Variants in OSBPL9 observed in about 807,000 individuals in gnomAD.
OSBPL9 encodes the protein oxysterol binding protein like 9.
OSBPL9 carries 40 observed loss-of-function variants against 106.6 expected under a neutral mutation model. The observed-to-expected ratio is 0.38, with a 90% CI of 0.29 to 0.49. OSBPL9 has a LOEUF of 0.49. Ranked by LOEUF, OSBPL9 falls within the 20% of genes least tolerant of loss-of-function variation. The pLI is 0.97. For missense variants in OSBPL9, 609 were observed against 887.2 expected, an observed-to-expected ratio of 0.69 and a Z score of 3.98; for synonymous variants, 269 against 295.4, an observed-to-expected ratio of 0.91 and a Z score of 0.92.
Position 51,744,134 on chromosome 1 carries a change from G to T in OSBPL9, c.319-1402G>T, listed in dbSNP as rs534222247. Among the ~76,000 whole-genome samples the T allele has an allele frequency of 1.5e-3, 223 of 152,126 alleles. 1 individual carries two copies. The highest frequency in any genetic ancestry group is 5.3e-3 in the African/African-American group (218 of 41,508). On this transcript the variant is annotated intron_variant, in intron 4 of 23. Transcript: ENST00000428468. ...ATGAGATAAGTTGATTTTTCCCATG[G>T]TCTTAATAGGACTTAGATTTTTAAT... is the stretch of plus-strand genomic sequence containing the variant.
chr1:51,716,412 A>G lies in OSBPL9; in HGVS notation c.318+2333A>G, dbSNP rs1395100429. Among the ~76,000 whole-genome samples the G allele has an allele frequency of 2.1e-4, 32 of 152,240 alleles. 1 individual carries two copies. Among genetic ancestry groups the G allele is most frequent in the Non-Finnish European group, 2.9e-5 (2 of 68,056 alleles). On this transcript the variant is annotated intron_variant, in intron 4 of 23. Coordinates refer to ENST00000428468, the MANE Select transcript of OSBPL9 (RefSeq NM_024586.6). ...GTGGCCTCATCTATAAAATGAGGAT[A>G]ATAAGAGTACCTACTTCATAGAGTT...
the OSBPL9 span, chr1:51,519,417 G>A: frequency 7.0e-5 from 11 of 156,128 alleles, 1 homozygote; most frequent in Non-Finnish European, 1.3e-4. Flanking sequence ...CCCGCCCGCC[G>A]GAGCCGGCCG....
chr1:51,640,822 G>A (rs1039710025), intron 1 of OSBPL9, among the ~76,000 whole-genome samples: 1 of 150,102 alleles, frequency 6.7e-6, no homozygotes, highest in Non-Finnish European at 1.5e-5. Context: ...TTTTGAAACA[G>A]GCTCTCACTC....
chr1:51,688,247 T>C (rs1654243280), intron 3 of OSBPL9, among the ~76,000 whole-genome samples: 1 of 152,188 alleles, frequency 6.6e-6, no homozygotes, highest in South Asian at 2.1e-4. Context: ...CCATAGCCTA[T>C]CTGAAAAGAA....
chr1:51,773,662 A>G lies in OSBPL9; in HGVS notation c.1170+939A>G, dbSNP rs576445361. 7.2e-5 allele frequency among the ~76,000 whole-genome samples: 11 copies of G among 152,290 alleles called. No individual in the cohort carries two copies. In the East Asian group the frequency reaches 1.9e-3, roughly 27 times the overall value. On this transcript the variant is annotated intron_variant, in intron 14 of 23. Transcript: ENST00000428468. ...TAAATTTAGAGTTCTCACTTTTGTTAGGGCAAAATCAATTCCAGTGTTATA... is the reference window on the plus strand; with the variant it reads ...TAAATTTAGAGTTCTCACTTTTGTTGGGGCAAAATCAATTCCAGTGTTATA...
At chr1:51,743,781 A>G (rs747017125) in intron 4 of OSBPL9, among the ~76,000 whole-genome samples, 1 of 152,168 alleles carries the variant, frequency 6.6e-6, no homozygotes, top group African/African-American at 2.4e-5. Context: ...TAAGTTGCTC[A>G]TTTCTTTCAT....
At chr1:51,680,965 T>C (rs889665632) in intron 3 of OSBPL9, among the ~76,000 whole-genome samples, 2 of 152,204 alleles carry the variant, frequency 1.3e-5, no homozygotes, top group Non-Finnish European at 2.9e-5. Flanking sequence ...CAACTCAATG[T>C]CACTGCAAAA....
chr1:51,661,359 T>C (rs1647138814), intron 2 of OSBPL9, among the ~76,000 whole-genome samples: 1 of 152,208 alleles, frequency 6.6e-6, no homozygotes. Context: ...AGAGCAAAAC[T>C]ATCTGTCTGT....
chr1:51,580,933 T>C (rs1388780566), intron 1 of OSBPL9, among the ~76,000 whole-genome samples: 14 of 2,022 alleles, frequency 6.9e-3, no homozygotes, highest in Admixed American at 0.026. Flanking sequence ...TATATATATA[T>C]ATATATATAT....
chr1:51,531,466 A>G, the OSBPL9 span, among the ~76,000 whole-genome samples: 1 of 152,306 alleles, frequency 6.6e-6, no homozygotes, highest in Non-Finnish European at 1.5e-5. Flanking sequence ...TATTGAAGGT[A>G]GAGCACACCA....
chr1:51,733,198 C>A (rs1664854844), intron 4 of OSBPL9, among the ~76,000 whole-genome samples: 1 of 152,196 alleles, frequency 6.6e-6, no homozygotes, highest in Non-Finnish European at 1.5e-5. Context: ...GTGATTCTTG[C>A]ATTAAACCCT....
At chr1:51,567,612 A>G in the OSBPL9 span, 1 of 152,238 alleles carries the variant, frequency 6.6e-6, no homozygotes, top group Non-Finnish European at 1.5e-5. Flanking sequence ...TGCAATTTAC[A>G]GCATTTCTCT....
rs575062577 is a variant in OSBPL9 at position 51,610,403 on chromosome 1, G to A, written c.-352-3902G>A. ...AGCCTCCTGAGTAGCTGGGATTATA[G>A]GCGTGCACCACCATGCCCAGCTAAT... On this transcript the variant is annotated intron_variant, in intron 2 of 25. Coordinates refer to the OSBPL9 transcript ENST00000371714. Among the ~76,000 whole-genome samples, 3 of 152,164 alleles carry A rather than the reference G, an allele frequency of 2.0e-5. No homozygotes were observed. The East Asian group carries it at 5.8e-4, about 30-fold the overall frequency.
At chr1:51,642,716 A>G (rs1310694224) in intron 1 of OSBPL9, among the ~76,000 whole-genome samples, 2 of 152,152 alleles carry the variant, frequency 1.3e-5, no homozygotes, top group Non-Finnish European at 2.9e-5. Context: ...ACAAATATCT[A>G]GGGAGATAGC....
chr1:51,775,823 C>T (rs1257291453), intron 14 of OSBPL9, among the ~76,000 whole-genome samples: 1 of 152,070 alleles, frequency 6.6e-6, no homozygotes, highest in Non-Finnish European at 1.5e-5. Context: ...GTTGGCCAGG[C>T]TGGTCTCGAA....
intron 9 of OSBPL9, among the ~76,000 whole-genome samples, chr1:51,758,833 C>A (rs1222881960): frequency 6.6e-6 from 1 of 152,060 alleles, no homozygotes; most frequent in African/African-American, 2.4e-5. Context: ...GAGAAAAGCG[C>A]TGTGTAAACA....
chr1:51,697,968 GATA>G (rs1656422109), intron 3 of OSBPL9, among the ~76,000 whole-genome samples: 1 of 151,782 alleles, frequency 6.6e-6, no homozygotes, highest in Non-Finnish European at 1.5e-5. Flanking sequence ...TAGAACATGT[GATA>G]ATAATAACAT....
chr1:51,629,521 A>G (rs1644977180), intron 1 of OSBPL9, among the ~76,000 whole-genome samples: 2 of 152,194 alleles, frequency 1.3e-5, no homozygotes, highest in South Asian at 2.1e-4. Flanking sequence ...CTACATACCT[A>G]GTCCATGTGG....
chr1:51,580,951 TATA>T (rs1369667454), intron 1 of OSBPL9, among the ~76,000 whole-genome samples: 346 of 2,272 alleles, frequency 0.15, 145 homozygotes, highest in Non-Finnish European at 0.23. Flanking sequence ...TATATATATA[TATA>T]ACTTTTTTGA....
Sources: allele counts gnomAD v4.1 joint callset (sites outside exome capture counted in the v4.1 genomes callset), GRCh38; gene constraint gnomAD v4.1.1; transcripts MANE v1.5; gene names NCBI Gene and HGNC (gene_info 2026-07-23, HGNC 2026-07-21).